DEPDC1B: variants seen among roughly 807,000 people sequenced by gnomAD.
DEPDC1B encodes DEP domain-containing protein 1B.
DEPDC1B carries 51 observed loss-of-function variants against 66.5 expected under a neutral mutation model. That is an observed-to-expected ratio of 0.77 (90% confidence interval 0.61 to 0.97). The LOEUF is 0.97. Among genes scored for constraint, DEPDC1B ranks in the 50% least tolerant of loss-of-function variants. The pLI, the probability that DEPDC1B is intolerant of heterozygous loss-of-function variation, is 0.00. For synonymous variants in DEPDC1B, 226 were observed against 223.6 expected (o/e 1.01, Z -0.10); for missense variants, 552 against 637.1 (o/e 0.87, Z 1.44).
At chr5:60,673,362 G>A (rs895735828) in intron 2 of DEPDC1B, among the ~76,000 whole-genome samples, 30 of 152,160 alleles carry the variant, frequency 2.0e-4, no homozygotes, top group African/African-American at 7.0e-4. Flanking sequence ...CACCATGCCT[G>A]GCATACAACA....
intron 2 of DEPDC1B, among the ~76,000 whole-genome samples, chr5:60,678,079 G>T (rs77255129): frequency 0.071 from 10,832 of 152,142 alleles, 650 homozygotes; most frequent in East Asian, 0.2. Context: ...TACAAATACA[G>T]GTTTTGCAAA....
chr5:60,599,144 T>G lies in DEPDC1B; in HGVS notation c.1359A>C (p.Ala453=), dbSNP rs556051433. 5.6e-6 allele frequency: 9 copies of G among 1,613,492 alleles called. No homozygotes were observed. The highest frequency in any genetic ancestry group is 4.0e-5 in the African/African-American group (3 of 74,990). Reference sequence around the variant, plus strand: ...CTGTTATGACTTCCTCCAACAAGGCTGCCAGAGGTTCCTGAGAGCCATATG... The same window carrying G: ...CTGTTATGACTTCCTCCAACAAGGCGGCCAGAGGTTCCTGAGAGCCATATG... The part of the protein sequence containing the change: ...QRSYGSQEPL[A]ALLEEVITDA... Residue 453 remains alanine (A), a synonymous_variant, in exon 10 of 11, where the codon GCA becomes GCC. Coordinates refer to ENST00000265036, the MANE Select transcript of DEPDC1B (RefSeq NM_018369.3).
At chr5:60,661,731 C>T (rs1316986265) in intron 2 of DEPDC1B, among the ~76,000 whole-genome samples, 1 of 152,044 alleles carries the variant, frequency 6.6e-6, no homozygotes, top group African/African-American at 2.4e-5. Context: ...GAGAGTTTGG[C>T]GATCTCTGGT....
chr5:60,617,159 T>A (rs1029602782), intron 7 of DEPDC1B, among the ~76,000 whole-genome samples: 1 of 152,204 alleles, frequency 6.6e-6, no homozygotes, highest in African/African-American at 2.4e-5. Flanking sequence ...GAAAGGAACA[T>A]ACGGTACCAG....
intron 1 of DEPDC1B, among the ~76,000 whole-genome samples, chr5:60,697,249 GTTA>G (rs1489398466): frequency 6.6e-6 from 1 of 152,084 alleles, no homozygotes; most frequent in East Asian, 1.9e-4. Flanking sequence ...TCCACAAAAT[GTTA>G]TTTTCAAATA....
intron 1 of DEPDC1B, 36 bp from the exon 2 acceptor site, chr5:60,687,263 A>C: frequency 1.3e-6 from 2 of 1,566,902 alleles, no homozygotes; most frequent in East Asian, 4.5e-5. Context: ...TTAGTAATCA[A>C]CTGATTTTTT....
chr5:60,693,305 C>T (rs1022438596), intron 1 of DEPDC1B, among the ~76,000 whole-genome samples: 2 of 151,858 alleles, frequency 1.3e-5, no homozygotes, highest in Non-Finnish European at 2.9e-5. Context: ...GGAGAAGAAA[C>T]CAAGTGAGTG....
At chr5:60,628,544 T>C (rs998958069) in intron 7 of DEPDC1B, 2 of 151,980 alleles carry the variant, frequency 1.3e-5, no homozygotes, top group African/African-American at 4.8e-5. Context: ...GTATAAAAAA[T>C]AAAAGGTTTA....
intron 1 of DEPDC1B, among the ~76,000 whole-genome samples, chr5:60,694,068 A>G (rs1754604663): frequency 6.6e-6 from 1 of 152,148 alleles, no homozygotes. Context: ...TTTTAATTAC[A>G]GAAGTAATAA....
At chr5:60,693,585 C>A (rs1754592447) in intron 1 of DEPDC1B, among the ~76,000 whole-genome samples, 1 of 152,134 alleles carries the variant, frequency 6.6e-6, no homozygotes, top group African/African-American at 2.4e-5. Flanking sequence ...TGGAAAAAAT[C>A]TTTGGGACAA....
At chr5:60,603,259 C>T in intron 9 of DEPDC1B, 132 bp downstream of exon 9, 1 of 778,540 alleles carries the variant, frequency 1.3e-6, no homozygotes, top group South Asian at 3.8e-5. Flanking sequence ...TACTATGTGC[C>T]AAGACCTGTT....
In DEPDC1B at chr5:60,687,102, C is replaced by CCTCAGCA. The variant is rs1754433036; in HGVS notation, c.167_173dup (p.Arg58SerfsTer11). 1.2e-6 allele frequency: 2 copies of CCTCAGCA among 1,614,204 alleles called. No individual in the cohort carries two copies. The highest frequency in any genetic ancestry group is 2.2e-5 in the South Asian group (2 of 91,086). ...CTTCAGGGCCGAAGTTTTGACTGCA[C>CCTCAGCA]CTCAGCAGCTCATGCAGCCAATCCA... On this transcript the variant is annotated frameshift_variant, in exon 2 of 11. Transcript: ENST00000265036. LOFTEE classifies it high-confidence loss of function.
chr5:60,664,242 C>T (rs567571263), intron 2 of DEPDC1B, among the ~76,000 whole-genome samples: 3 of 152,290 alleles, frequency 2.0e-5, no homozygotes, highest in Admixed American at 1.3e-4. Context: ...GCTTGCAACC[C>T]GTGGCATACC....
intron 2 of DEPDC1B, among the ~76,000 whole-genome samples, chr5:60,682,304 G>A (rs1754313045): frequency 6.6e-6 from 1 of 152,184 alleles, no homozygotes. Flanking sequence ...TCATAGGTGG[G>A]AATTGAACAA....
rs376083190 is a variant in DEPDC1B at position 60,670,007 on chromosome 5, AGGT to A, written c.314+16952_314+16954del. ...TGATTATTGCACCAAACCTCACAAT[AGGT>A]GGGGTGAAAACTGCACCGAAATAAT... is the stretch of plus-strand genomic sequence containing the variant. On this transcript the variant is annotated intron_variant, in intron 2 of 10. Coordinates refer to ENST00000265036, the MANE Select transcript of DEPDC1B (RefSeq NM_018369.3). Among the ~76,000 whole-genome samples, 16 of 152,300 alleles carry A rather than the reference AGGT, an allele frequency of 1.1e-4. No individual in the cohort carries two copies. In the South Asian group the frequency reaches 3.1e-3, roughly 30 times the overall value.
chr5:60,600,805 T>A (rs1752186079), intron 9 of DEPDC1B, among the ~76,000 whole-genome samples: 1 of 152,252 alleles, frequency 6.6e-6, no homozygotes, highest in Non-Finnish European at 1.5e-5. Context: ...GTGCTATGCA[T>A]GTGAATACAC....
At chr5:60,661,693 A>G (rs1274126788) in intron 2 of DEPDC1B, among the ~76,000 whole-genome samples, 1 of 152,188 alleles carries the variant, frequency 6.6e-6, no homozygotes, top group African/African-American at 2.4e-5. Context: ...AACCCTAAAT[A>G]AGAAAAGTGC....
rs1752480647 is a variant in DEPDC1B, at chr5:60,614,006, T to C, written c.899-8150A>G. On this transcript the variant is annotated intron_variant, in intron 7 of 10. Transcript: ENST00000265036. ...CTATGTTGTACTTTCAGTTTTCAAG[T>C]CTTACAGGAACCATTCTCTGCTACA... 2.6e-5 allele frequency among the ~76,000 whole-genome samples: 4 copies of C among 152,166 alleles called. No individual in the cohort carries two copies. The South Asian group carries it at 8.3e-4, about 32-fold the overall frequency.
At chr5:60,625,952 C>A (rs1444228083) in intron 7 of DEPDC1B, among the ~76,000 whole-genome samples, 1 of 152,026 alleles carries the variant, frequency 6.6e-6, no homozygotes, top group African/African-American at 2.4e-5. Flanking sequence ...ATACTATATT[C>A]TTTTTAACTC....
Sources: gnomAD v4.1 joint callset for allele counts (sites outside exome capture counted in the v4.1 genomes callset) on GRCh38, gnomAD v4.1.1 for gene constraint, MANE v1.5 for transcripts, NCBI Gene and HGNC (gene_info 2026-07-23, HGNC 2026-07-21) for gene names.